USH2A: variants seen among roughly 807,000 people sequenced by gnomAD.
The protein encoded by USH2A is Usher syndrome 2A (autosomal recessive, mild).
USH2A carries 443 observed loss-of-function variants against 538.9 expected under a neutral mutation model. The observed-to-expected ratio is 0.82, with a 90% confidence interval of 0.76 to 0.89. The LOEUF (loss-of-function observed/expected upper bound fraction) is 0.89. Ranked by LOEUF, USH2A falls within the 40% of genes least tolerant of loss-of-function variation. USH2A has a pLI of 0.00. For synonymous variants in USH2A, 2,413 were observed against 2,273.5 expected, an observed-to-expected ratio of 1.06 and a Z score of -1.75; for missense variants, 6,633 against 6,324.8, an observed-to-expected ratio of 1.05 and a Z score of -1.65.
At chr1:216,005,350 A>G (rs1397505913) in intron 32 of USH2A, among the ~76,000 whole-genome samples, 1 of 152,176 alleles carries the variant, frequency 6.6e-6, no homozygotes, top group Non-Finnish European at 1.5e-5. Context: ...GTTCCATATC[A>G]TAATTACTAA....
At chr1:215,630,829 G>A (rs1656258504) in intron 70 of USH2A, among the ~76,000 whole-genome samples, 1 of 150,964 alleles carries the variant, frequency 6.6e-6, no homozygotes, top group African/African-American at 2.4e-5. Context: ...CTCCAGTCTG[G>A]ATGACAGAAG....
At chr1:215,817,500 C>T (rs1028528505) in intron 47 of USH2A, among the ~76,000 whole-genome samples, 1 of 151,864 alleles carries the variant, frequency 6.6e-6, no homozygotes. Context: ...ACTTGGTAAA[C>T]AAGGTGACAA....
At chr1:216,328,007 T>A (rs2037769879) in intron 4 of USH2A, among the ~76,000 whole-genome samples, 1 of 152,132 alleles carries the variant, frequency 6.6e-6, no homozygotes, top group Non-Finnish European at 1.5e-5. Context: ...TTGATTGTCA[T>A]CTGCTTCTGA....
intron 23 of USH2A, among the ~76,000 whole-genome samples, chr1:216,087,723 G>A (rs905261222): frequency 3.9e-5 from 6 of 152,144 alleles, no homozygotes; most frequent in Middle Eastern, 6.8e-3. Flanking sequence ...CTGTTAATTT[G>A]ACATTCACAG....
chr1:216,243,626 C>A (rs1331082229), intron 13 of USH2A, among the ~76,000 whole-genome samples: 1 of 152,070 alleles, frequency 6.6e-6, no homozygotes, highest in African/African-American at 2.4e-5. Flanking sequence ...ATCTGCTTAC[C>A]CCTGGCTAGA....
chr1:216,025,768 C>G (rs564978562), intron 32 of USH2A, among the ~76,000 whole-genome samples: 76 of 152,130 alleles, frequency 5.0e-4, no homozygotes, highest in Non-Finnish European at 9.4e-4. Context: ...GAGGGGAAAT[C>G]TCTTAAAATT....
intron 11 of USH2A, among the ~76,000 whole-genome samples, chr1:216,278,577 T>C (rs1472016897): frequency 6.6e-6 from 1 of 152,220 alleles, no homozygotes; most frequent in African/African-American, 2.4e-5. Flanking sequence ...AAGACCTTTC[T>C]GTCTCTATTG....
chr1:215,723,140 A>T (rs1181219681), intron 61 of USH2A, among the ~76,000 whole-genome samples: 2 of 152,190 alleles, frequency 1.3e-5, no homozygotes, highest in Non-Finnish European at 2.9e-5. Flanking sequence ...ATTGGTCTAA[A>T]GAGACCCCAA....
chr1:216,093,949 G>A (rs1558255190), intron 22 of USH2A, among the ~76,000 whole-genome samples: 1 of 152,062 alleles, frequency 6.6e-6, no homozygotes, highest in Non-Finnish European at 1.5e-5. Flanking sequence ...TCTAAAGCAG[G>A]GATGAAAACA....
chr1:216,143,446 T>C (rs1239253892), intron 21 of USH2A, among the ~76,000 whole-genome samples: 2 of 152,166 alleles, frequency 1.3e-5, no homozygotes, highest in Non-Finnish European at 2.9e-5. Flanking sequence ...AGCAAATCAA[T>C]GAACATTATT....
chr1:216,329,593 C>T (rs2037814067), intron 4 of USH2A, among the ~76,000 whole-genome samples: 1 of 152,092 alleles, frequency 6.6e-6, no homozygotes, highest in African/African-American at 2.4e-5. Context: ...TTCTTCCTCT[C>T]CTAGCATCCT....
At position 215,779,902 on chromosome 1, in the gene USH2A, T is replaced by A; in HGVS notation, c.10880A>T (p.Gln3627Leu). ...AGTGTGGATGAGACCTTTCCCAACC[T>A]GCCTGATCTGGTACTCTTTAATGAC... is the stretch of plus-strand genomic sequence containing the variant. ...NGVIKEYQIR[Q>L]VGKGLIHTDT... Residue 3627 changes from glutamine to leucine, a missense_variant, in exon 55 of 72, where the codon CAG (glutamine) becomes CTG (leucine). Transcript: ENST00000307340. 1 of 1,614,138 alleles carries A rather than the reference T, an allele frequency of 6.2e-7. No individual in the cohort carries two copies. The highest frequency in any genetic ancestry group is 8.5e-7 in the Non-Finnish European group (1 of 1,180,024).
chr1:215,831,347 AT>A (rs993640397), intron 47 of USH2A, among the ~76,000 whole-genome samples: 13 of 152,248 alleles, frequency 8.5e-5, no homozygotes, highest in African/African-American at 3.1e-4. Context: ...TCTGAACACC[AT>A]TATCACTCAA....
intron 27 of USH2A, among the ~76,000 whole-genome samples, chr1:216,074,911 A>G (rs77445583): frequency 0.01 from 1,591 of 152,274 alleles, 28 homozygotes; most frequent in African/African-American, 0.037. Flanking sequence ...GGATGAAAAG[A>G]GTTCTTCAGA....
rs901321708 is a variant in USH2A, at chr1:216,405,138, G to A, written c.651+13376C>T. On this transcript the variant is annotated intron_variant, in intron 3 of 71. Coordinates refer to ENST00000307340, the MANE Select transcript of USH2A (RefSeq NM_206933.4). ...CCTGACGTGTGGGGATTACAGGCAT[G>A]AGCCACCATGCCTGGCCTGAAACAC... is the stretch of plus-strand genomic sequence containing the variant. Among the ~76,000 whole-genome samples, 6 of 152,148 alleles carry A rather than the reference G, an allele frequency of 3.9e-5. No homozygotes were observed. In the South Asian group the frequency reaches 8.3e-4, roughly 21 times the overall value.
intron 35 of USH2A, among the ~76,000 whole-genome samples, chr1:215,988,406 A>G (rs1197457922): frequency 1.3e-5 from 2 of 152,194 alleles, no homozygotes; most frequent in African/African-American, 4.8e-5. Context: ...GTGTAAATAT[A>G]TCACATTTTG....
intron 4 of USH2A, among the ~76,000 whole-genome samples, chr1:216,363,643 A>G: frequency 6.6e-6 from 1 of 152,220 alleles, no homozygotes; most frequent in African/African-American, 2.4e-5. Flanking sequence ...AATATTTTCC[A>G]TAAAATAACT....
rs1233636422 is a variant in USH2A at position 215,640,830 on chromosome 1, C to T, written c.14792-96G>A. 2.1e-5 allele frequency: 23 copies of T among 1,093,294 alleles called. No homozygotes were observed. The African/African-American group carries it at 2.4e-4, about 11-fold the overall frequency. The allele number at this position is 1,093,294 out of a possible 1,614,324, so 67.7% of individuals were successfully genotyped here. ...AAAAAAAATATGAGCAAAATCAAAC[C>T]GAACCAATCCAAACAAAAAAAAAAA... On this transcript the variant is annotated intron_variant, in intron 67 of 71. Transcript: ENST00000307340.
In USH2A at chr1:216,072,719, A is replaced by G. The variant is rs1274412138; in HGVS notation, c.5857+170T>C. Reference sequence around the variant, plus strand: ...AATTCTTGGTAAATGAAAAGCACTGATCTACTAAGCATTTTAGCCATTGAC... The same window carrying G: ...AATTCTTGGTAAATGAAAAGCACTGGTCTACTAAGCATTTTAGCCATTGAC... On this transcript the variant is annotated intron_variant, in intron 29 of 71. Coordinates refer to ENST00000307340, the MANE Select transcript of USH2A (RefSeq NM_206933.4). 1.2e-5 allele frequency: 8 copies of G among 676,178 alleles called. No individual in the cohort carries two copies. In the African/African-American group the frequency reaches 1.2e-4, roughly 10 times the overall value. 41.9% of individuals were successfully genotyped at this position (676,178 alleles called of 1,614,324 possible).
Sources: gnomAD v4.1 joint callset for allele counts (sites outside exome capture counted in the v4.1 genomes callset) on GRCh38, gnomAD v4.1.1 for gene constraint, MANE v1.5 for transcripts, NCBI Gene and HGNC (gene_info 2026-07-23, HGNC 2026-07-21) for gene names.